Variants in ZNF624 observed in about 807,000 individuals in gnomAD.
ZNF624 encodes zinc finger protein 624.
ZNF624 carries 43 observed loss-of-function variants against 74.7 expected under a neutral mutation model. The observed-to-expected ratio is 0.58, with a 90% CI of 0.45 to 0.74. The LOEUF (loss-of-function observed/expected upper bound fraction) is 0.74. Ranked by LOEUF, ZNF624 falls within the 30% of genes least tolerant of loss-of-function variation. The pLI is 0.00. For missense variants in ZNF624, 820 were observed against 1,030.0 expected (o/e 0.80, Z 2.79); for synonymous variants, 331 against 341.3 (o/e 0.97, Z 0.33).
intron 1 of ZNF624, 26 bp from the exon 2 acceptor site, chr17:16,649,772 A>C (rs770385657): frequency 6.3e-7 from 1 of 1,585,386 alleles, no homozygotes; most frequent in South Asian, 1.1e-5. Flanking sequence ...AAGCCATGGA[A>C]ACCAATCCTG....
intron 5 of ZNF624, 44 bp downstream of exon 5, chr17:16,633,816 CTG>C (rs773869530): frequency 1.4e-6 from 2 of 1,432,778 alleles, no homozygotes; most frequent in South Asian, 2.3e-5. Context: ...CCCCTATAGT[CTG>C]TTACTTCAAA....
At chr17:16,635,545 A>G (rs920212895) in intron 3 of ZNF624, among the ~76,000 whole-genome samples, 29 of 152,198 alleles carry the variant, frequency 1.9e-4, no homozygotes, top group Admixed American at 1.7e-3. Flanking sequence ...CTCACTCATT[A>G]GAGAGGAACT....
At chr17:16,649,559 A>T in intron 2 of ZNF624, 99 bp downstream of exon 2, 1 of 1,058,284 alleles carries the variant, frequency 9.4e-7, no homozygotes, top group Non-Finnish European at 1.5e-6. Context: ...AGTTCCCAGA[A>T]GGGGTGTCGG....
chr17:16,627,932 A>G (rs1253602956), intron 5 of ZNF624, among the ~76,000 whole-genome samples: 1 of 152,162 alleles, frequency 6.6e-6, no homozygotes, highest in African/African-American at 2.4e-5. Context: ...TTTCATAGTC[A>G]ATGCCTGATA....
At chr17:16,649,922 G>A (rs1909681544) in intron 1 of ZNF624, among the ~76,000 whole-genome samples, 176 bp from the exon 2 acceptor site, 1 of 152,172 alleles carries the variant, frequency 6.6e-6, no homozygotes, top group African/African-American at 2.4e-5. Flanking sequence ...TTTTAGCACT[G>A]TTAACTATAG....
chr17:16,616,440 G>A (rs939494899), downstream of ZNF624, among the ~76,000 whole-genome samples: 2 of 151,958 alleles, frequency 1.3e-5, no homozygotes, highest in African/African-American at 4.8e-5. Flanking sequence ...TGAAAATTGG[G>A]TTCTCCCTCT....
At chr17:16,638,603 A>G (rs764333225) in intron 3 of ZNF624, among the ~76,000 whole-genome samples, 1 of 152,194 alleles carries the variant, frequency 6.6e-6, no homozygotes, top group Admixed American at 6.5e-5. Flanking sequence ...TCAGCAAACT[A>G]TCGCAAGGAC....
In ZNF624 at chr17:16,637,978, G is replaced by A. The variant is rs561757377; in HGVS notation, c.154-3222C>T. On this transcript the variant is annotated intron_variant, in intron 3 of 5. Coordinates refer to ENST00000311331, the MANE Select transcript of ZNF624 (RefSeq NM_020787.4). ...TTTGCAACCTACTCATCTGACAAAGGGCTAATATCCAGAATCTACAATGAA... is the reference window on the plus strand; with the variant it reads ...TTTGCAACCTACTCATCTGACAAAGAGCTAATATCCAGAATCTACAATGAA... Among the ~76,000 whole-genome samples the A allele has an allele frequency of 4.9e-4, 74 of 151,946 alleles. 1 individual carries two copies. The highest frequency in any genetic ancestry group is 1.7e-3 in the African/African-American group (70 of 41,422).
At chr17:16,636,789 T>C (rs147190844) in intron 3 of ZNF624, among the ~76,000 whole-genome samples, 195 of 151,786 alleles carry the variant, frequency 1.3e-3, no homozygotes, top group African/African-American at 4.6e-3. Context: ...TGAGCCGAGA[T>C]TGCGCCACTG....
intron 3 of ZNF624, among the ~76,000 whole-genome samples, chr17:16,641,631 A>C (rs1300498590): frequency 6.6e-6 from 1 of 152,232 alleles, no homozygotes; most frequent in African/African-American, 2.4e-5. Context: ...TTTGCAAGGG[A>C]AATTTGAAAA....
downstream of ZNF624, chr17:16,617,523 C>T: frequency 6.3e-7 from 1 of 1,585,728 alleles, no homozygotes; most frequent in Admixed American, 1.7e-5. Flanking sequence ...TCCAACTGCA[C>T]AGACTAGAAA....
chr17:16,630,918 C>T (rs543250245), intron 5 of ZNF624, among the ~76,000 whole-genome samples: 30 of 140,378 alleles, frequency 2.1e-4, no homozygotes, highest in Admixed American at 9.8e-4. Context: ...ATAGAATAAG[C>T]TGTAAGTATA....
chr17:16,629,080 C>T (rs900695251), intron 5 of ZNF624, among the ~76,000 whole-genome samples: 4 of 151,232 alleles, frequency 2.6e-5, no homozygotes, highest in Admixed American at 1.3e-4. Context: ...TGCCTGTAGT[C>T]GCAGCTACTC....
At chr17:16,633,624 G>A (rs941253497) in intron 5 of ZNF624, among the ~76,000 whole-genome samples, 2 of 151,998 alleles carry the variant, frequency 1.3e-5, no homozygotes, top group African/African-American at 2.4e-5. Context: ...TAATAATTAC[G>A]AAAAGCACGT....
chr17:16,649,572 G>C, intron 2 of ZNF624, 86 bp downstream of exon 2: 1 of 1,204,856 alleles, frequency 8.3e-7, no homozygotes, highest in South Asian at 1.2e-5. Context: ...GGTGTCGGGG[G>C]AAGTAGAGAA....
At chr17:16,644,399 A>G (rs545839505) in intron 3 of ZNF624, among the ~76,000 whole-genome samples, 1 of 152,344 alleles carries the variant, frequency 6.6e-6, no homozygotes, top group East Asian at 1.9e-4. Flanking sequence ...TTTTATTGCA[A>G]AAAGTTCCTA....
intron 1 of ZNF624, among the ~76,000 whole-genome samples, chr17:16,652,325 T>C (rs1426821754): frequency 6.6e-6 from 1 of 152,074 alleles, no homozygotes; most frequent in Non-Finnish European, 1.5e-5. Context: ...CCAAGAATAT[T>C]GCCCCATCCC....
At chr17:16,643,830 G>A (rs895954419) in intron 3 of ZNF624, among the ~76,000 whole-genome samples, 2 of 152,200 alleles carry the variant, frequency 1.3e-5, no homozygotes, top group African/African-American at 2.4e-5. Flanking sequence ...AGAAGTGTGA[G>A]TTAACTTTGA....
At chr17:16,614,320 A>G in the ZNF624 span, among the ~76,000 whole-genome samples, 1 of 152,198 alleles carries the variant, frequency 6.6e-6, no homozygotes, top group African/African-American at 2.4e-5. Flanking sequence ...AAAACAGAGT[A>G]CATACATTAC....
Sources: gnomAD v4.1 joint callset for allele counts (sites outside exome capture counted in the v4.1 genomes callset) on GRCh38, gnomAD v4.1.1 for gene constraint, MANE v1.5 for transcripts, NCBI Gene and HGNC (gene_info 2026-07-23, HGNC 2026-07-21) for gene names.